EMILIN2: variants seen among roughly 807,000 people sequenced by gnomAD.
EMILIN2 encodes the protein EMILIN-2.
EMILIN2 carries 71 observed loss-of-function variants against 87.1 expected under a neutral mutation model. The observed-to-expected ratio is 0.82, with a 90% CI of 0.67 to 0.99. The LOEUF is 0.99. Among genes scored for constraint, EMILIN2 ranks in the 50% least tolerant of loss-of-function variants. The pLI is 0.00. For missense variants in EMILIN2, 1,407 were observed against 1,371.8 expected, an observed-to-expected ratio of 1.03 and a Z score of -0.40; for synonymous variants, 581 against 563.4, an observed-to-expected ratio of 1.03 and a Z score of -0.44.
rs772838075 is a variant in EMILIN2 at position 2,890,862 on chromosome 18, G to A, written c.735G>A (p.Thr245=). ...CCACTGTTAGTGGAGACACAGAAAC[G>A]GGCCAGAGTCCTGGTGTCTTCAACA... ...PDTTVSGDTE[T]GQSPGVFNTK... is the part of the protein sequence containing the mutation. The change falls in exon 4 of 8, where the codon ACG becomes ACA. Residue 245 remains threonine, a synonymous_variant. Transcript: ENST00000254528. This position sits in a 1 kb window ranked among gnomAD's most constrained non-coding sequence, Gnocchi z 4.7. 2.9e-5 allele frequency: 47 copies of A among 1,613,698 alleles called. No homozygotes were observed. The highest frequency in any genetic ancestry group is 4.5e-5 in the East Asian group (2 of 44,894).
chr18:2,893,476 G>T (rs747010123), intron 4 of EMILIN2, among the ~76,000 whole-genome samples: 2 of 152,230 alleles, frequency 1.3e-5, no homozygotes, highest in Non-Finnish European at 2.9e-5. Context: ...TGAGAGCAAT[G>T]CTGGCTACAC....
At chr18:2,882,172 C>A (rs2076780262) in intron 2 of EMILIN2, among the ~76,000 whole-genome samples, 1 of 152,172 alleles carries the variant, frequency 6.6e-6, no homozygotes, top group African/African-American at 2.4e-5. Flanking sequence ...TATAGTAGGG[C>A]CTTGGTGGAG....
At chr18:2,911,702 G>A (rs1198725844) in intron 7 of EMILIN2, among the ~76,000 whole-genome samples, 1 of 152,214 alleles carries the variant, frequency 6.6e-6, no homozygotes, top group Admixed American at 6.5e-5. Context: ...CATAGGGATG[G>A]TTCGTCTGCT....
intron 4 of EMILIN2, chr18:2,906,272 G>T (rs984955895): frequency 6.6e-6 from 1 of 152,580 alleles, no homozygotes. Flanking sequence ...TGGCGACGTG[G>T]GCGCTGTGGC....
chr18:2,865,695 T>A (rs1419877986), intron 2 of EMILIN2, among the ~76,000 whole-genome samples: 1 of 152,216 alleles, frequency 6.6e-6, no homozygotes, highest in Admixed American at 6.5e-5. Context: ...CGTTCTCAGA[T>A]CTCCAGCTGT....
In EMILIN2 at chr18:2,880,594, G is replaced by A. The variant is rs912893498; in HGVS notation, c.258-4370G>A. Among the ~76,000 whole-genome samples the A allele has an allele frequency of 9.9e-5, 15 of 152,166 alleles. No individual in the cohort carries two copies. Among genetic ancestry groups the A allele is most frequent in the Admixed American group, 4.6e-4 (7 of 15,284 alleles). On this transcript the variant is annotated intron_variant, in intron 2 of 7. Transcript: ENST00000254528. The surrounding 1 kb of genome is among the most constrained non-coding windows in gnomAD (Gnocchi z 4.1). The stretch of plus-strand genomic sequence containing the variant: ...TGGGAAGGGAGCCAGGGCTGCAGCC[G>A]AGTCCGCCCCTCCAGCGCTGCGCAG...
intron 3 of EMILIN2, among the ~76,000 whole-genome samples, chr18:2,888,956 A>T (rs1218990650): frequency 6.6e-6 from 1 of 152,194 alleles, no homozygotes; most frequent in African/African-American, 2.4e-5. Context: ...TTCTGAATTA[A>T]TTTCCAATGT....
chr18:2,873,535 A>G (rs371542247), intron 2 of EMILIN2, among the ~76,000 whole-genome samples: 2,401 of 151,084 alleles, frequency 0.016, 66 homozygotes, highest in African/African-American at 0.055. Context: ...GTGAAACCCC[A>G]TCTCTACTAA....
chr18:2,847,752 C>T lies in EMILIN2; in HGVS notation c.135-57C>T. On this transcript the variant is annotated intron_variant, in intron 1 of 7. Transcript: ENST00000254528. The surrounding 1 kb of genome is among the most constrained non-coding windows in gnomAD (Gnocchi z 4.5). ...GGTGCCGCAGTCCCCTCTCCCCTGG[C>T]CTCATTGTTCTCCGGGTTTACCCCG... The T allele has an allele frequency of 1.9e-6, 3 of 1,594,820 alleles. No individual in the cohort carries two copies. The highest frequency in any genetic ancestry group is 2.6e-6 in the Non-Finnish European group (3 of 1,174,202).
rs771253553 is a variant in EMILIN2 at position 2,906,961 on chromosome 18, G to A, written c.2538G>A (p.Ala846=). 1.4e-6 allele frequency: 2 copies of A among 1,404,786 alleles called. No homozygotes were observed. The highest frequency in any genetic ancestry group is 3.0e-5 in the South Asian group (2 of 66,660). 87.0% of individuals were successfully genotyped at this position (1,404,786 alleles called of 1,614,324 possible). ...PQPPGSTGVI[A]ETGQAGPPAG... is the part of the protein sequence containing the mutation. ...CGCCAGGCTCCACCGGGGTCATCGC[G>A]GAGACGGGCCAGGCCGGGCCCCCCG... is the stretch of plus-strand genomic sequence containing the variant. Residue 846 remains alanine, a synonymous_variant, in exon 5 of 8, where the codon GCG becomes GCA. Transcript: ENST00000254528.
chr18:2,894,447 G>A lies in EMILIN2; in HGVS notation c.2359+1961G>A, dbSNP rs1488746704. On this transcript the variant is annotated intron_variant, in intron 4 of 7. Coordinates refer to ENST00000254528, the MANE Select transcript of EMILIN2 (RefSeq NM_032048.3). This position sits in a 1 kb window ranked among gnomAD's most constrained non-coding sequence, Gnocchi z 5.0. ...TCAGCTCCTCTATCTCTGGAATGTT[G>A]AGTAGAGGTCACAAGACCATGTATG... Among the ~76,000 whole-genome samples, 2 of 152,190 alleles carry A rather than the reference G, an allele frequency of 1.3e-5. No homozygotes were observed. The highest frequency in any genetic ancestry group is 4.1e-4 in the South Asian group (2 of 4,832).
chr18:2,859,082 C>T (rs551260428), intron 2 of EMILIN2, among the ~76,000 whole-genome samples: 4 of 152,196 alleles, frequency 2.6e-5, no homozygotes, highest in South Asian at 4.1e-4. Context: ...GGTAGATACC[C>T]GGTAGTGGGG....
In EMILIN2 at chr18:2,907,057, C is replaced by T. The variant is rs772430809; in HGVS notation, c.2634C>T (p.Pro878=). The change falls in exon 5 of 8, where the codon CCC becomes CCT. Residue 878 remains proline, a synonymous_variant. Transcript: ENST00000254528. ...VDGQTGSGTV[P]GAEGFAGAPG... is the part of the protein sequence containing the mutation. ...GCCAGACCGGGAGCGGCACCGTCCC[C>T]GGCGCAGAAGGCTTCGCGGGCGCAC... The T allele has an allele frequency of 1.0e-5, 13 of 1,267,100 alleles. No individual in the cohort carries two copies. In the South Asian group the frequency reaches 2.1e-4, roughly 21 times the overall value. The allele number at this position is 1,267,100 out of a possible 1,614,324, so 78.5% of individuals were successfully genotyped here. A position where few individuals can be genotyped will look rare whatever the true frequency, so the allele number is the denominator to read the frequency against.
chr18:2,862,281 G>A (rs1340296799), intron 2 of EMILIN2, among the ~76,000 whole-genome samples: 1 of 152,266 alleles, frequency 6.6e-6, no homozygotes, highest in East Asian at 1.9e-4. Context: ...TTGAATAGGA[G>A]TGGTGAGAGA....
intron 2 of EMILIN2, among the ~76,000 whole-genome samples, chr18:2,875,502 A>C (rs542903748): frequency 9.4e-5 from 6 of 63,754 alleles, no homozygotes; most frequent in African/African-American, 4.1e-4. Flanking sequence ...GCCCTCCCCA[A>C]AATAATTCTT....
At chr18:2,885,831 T>C (rs1209418429) in intron 3 of EMILIN2, among the ~76,000 whole-genome samples, 1 of 152,202 alleles carries the variant, frequency 6.6e-6, no homozygotes, top group Non-Finnish European at 1.5e-5. Context: ...ACTTCATCTT[T>C]TTAAGTTCAG....
At position 2,900,566 on chromosome 18, in the gene EMILIN2, G is replaced by T. The variant is rs2076883929; in HGVS notation, c.2360-6217G>T. Among the ~76,000 whole-genome samples the T allele has an allele frequency of 2.0e-5, 3 of 152,202 alleles. No individual in the cohort carries two copies. In the South Asian group the frequency reaches 6.2e-4, roughly 31 times the overall value. On this transcript the variant is annotated intron_variant, in intron 4 of 7. Transcript: ENST00000254528. ...GCATGTTTGCCTTCTCAGCCCCAGG[G>T]ATACTTTTACATGCCTACTTGTGAG...
At chr18:2,875,807 T>G (rs1345104937) in intron 2 of EMILIN2, among the ~76,000 whole-genome samples, 1 of 152,224 alleles carries the variant, frequency 6.6e-6, no homozygotes, top group Non-Finnish European at 1.5e-5. Flanking sequence ...GCAGCCAAGT[T>G]GGGACCAAGC....
At chr18:2,859,142 T>C (rs945871937) in intron 2 of EMILIN2, among the ~76,000 whole-genome samples, 22 of 152,192 alleles carry the variant, frequency 1.4e-4, no homozygotes, top group African/African-American at 5.3e-4. Flanking sequence ...GGAACCCCCA[T>C]GCTGTTTTCC....
Sources: allele counts gnomAD v4.1 joint callset (sites outside exome capture counted in the v4.1 genomes callset), GRCh38; gene constraint gnomAD v4.1.1; non-coding constraint Gnocchi (gnomAD v3.1); transcripts MANE v1.5; gene names NCBI Gene and HGNC (gene_info 2026-07-23, HGNC 2026-07-21).